The following MMAA variants were observed in gnomAD, a reference collection of about 807,000 sequenced individuals.
The protein encoded by MMAA is metabolism of cobalamin associated A.
A neutral mutation model predicts 45.0 loss-of-function variants in MMAA; 41 were observed. The ratio of observed to expected loss-of-function variants is 0.91; its 90% CI spans 0.71 to 1.18. The LOEUF is 1.18. Among genes scored for constraint, MMAA ranks in the 50% most tolerant of loss-of-function variants. The pLI is 0.00. For missense variants in MMAA, 460 were observed against 495.7 expected (o/e 0.93, Z 0.68); for synonymous variants, 154 against 178.2 (o/e 0.86, Z 1.08).
intron 6 of MMAA, 90 bp from the exon 7 acceptor site, chr4:145,655,057 C>G (rs188047952): frequency 7.2e-7 from 1 of 1,392,520 alleles, no homozygotes; most frequent in East Asian, 2.3e-5. Flanking sequence ...TTTTGTAGAC[C>G]GTAAGAATTA....
chr4:145,645,660 A>T (rs143352178), intron 3 of MMAA, among the ~76,000 whole-genome samples: 1 of 152,188 alleles, frequency 6.6e-6, no homozygotes, highest in African/African-American at 2.4e-5. Context: ...TGATGTTAAG[A>T]TGACAGTAAA....
chr4:145,620,908 G>A (rs142927192), intron 1 of MMAA, among the ~76,000 whole-genome samples: 1 of 152,140 alleles, frequency 6.6e-6, no homozygotes, highest in African/African-American at 2.4e-5. Flanking sequence ...AAAGGCAAGC[G>A]CAAGAGGTGC....
rs548523205 is a variant in MMAA at position 145,645,928 on chromosome 4, G to C, written c.563-58G>C. Reference sequence around the variant, plus strand: ...ATAAAGCACTTCCCTCTAGGAACTGGCTGATAATTGACCCGTAAAACTGTT... The same window carrying C: ...ATAAAGCACTTCCCTCTAGGAACTGCCTGATAATTGACCCGTAAAACTGTT... On this transcript the variant is annotated intron_variant, in intron 3 of 6. Transcript: ENST00000649156. 7.0e-6 allele frequency: 11 copies of C among 1,560,836 alleles called. No homozygotes were observed. In the East Asian group the frequency reaches 2.5e-4, roughly 35 times the overall value.
chr4:145,620,501 G>A (rs967620937), intron 1 of MMAA, among the ~76,000 whole-genome samples: 1 of 152,132 alleles, frequency 6.6e-6, no homozygotes, highest in African/African-American at 2.4e-5. Flanking sequence ...GTATTTTTAC[G>A]TATTTTTTCT....
At chr4:145,651,774 C>A (rs1280634716) in intron 5 of MMAA, among the ~76,000 whole-genome samples, 2 of 152,192 alleles carry the variant, frequency 1.3e-5, no homozygotes, top group African/African-American at 4.8e-5. Context: ...TCATGGAAGA[C>A]AGTTTTCCAC....
intron 4 of MMAA, among the ~76,000 whole-genome samples, chr4:145,649,134 A>G (rs1387697774): frequency 7.7e-6 from 1 of 130,276 alleles, no homozygotes; most frequent in Non-Finnish European, 1.6e-5. Context: ...TCAAAAAAAA[A>G]AAAAAAAAAA....
intron 1 of MMAA, among the ~76,000 whole-genome samples, chr4:145,627,524 G>A (rs1296125837): frequency 6.6e-6 from 1 of 152,176 alleles, no homozygotes; most frequent in Non-Finnish European, 1.5e-5. Flanking sequence ...GAGGAAATAT[G>A]CCCTTTTTCT....
At chr4:145,650,935 G>A in intron 4 of MMAA, 127 bp from the exon 5 acceptor site, 1 of 818,912 alleles carries the variant, frequency 1.2e-6, no homozygotes. Context: ...GATGTTTAAA[G>A]GAGTGACCAG....
At chr4:145,638,974 G>T (rs1727698129) in intron 1 of MMAA, 101 bp from the exon 2 acceptor site, 2 of 651,482 alleles carry the variant, frequency 3.1e-6, no homozygotes, top group Non-Finnish European at 5.3e-6. Context: ...CTCTGATTAT[G>T]TGTGGTTTAG....
At chr4:145,633,111 A>C (rs1727501626) in intron 1 of MMAA, among the ~76,000 whole-genome samples, 1 of 150,852 alleles carries the variant, frequency 6.6e-6, no homozygotes, top group Non-Finnish European at 1.5e-5. Flanking sequence ...TGCATTCTTC[A>C]GTATGCCAGT....
intron 2 of MMAA, 31 bp from the exon 3 acceptor site, chr4:145,642,332 C>A: frequency 6.2e-7 from 1 of 1,611,986 alleles, no homozygotes. Context: ...TCATTTGTTT[C>A]ATTGAATTAG....
At chr4:145,624,858 T>A (rs1257617010) in intron 1 of MMAA, 1 of 1,611,876 alleles carries the variant, frequency 6.2e-7, no homozygotes, top group Admixed American at 1.7e-5. Context: ...GACAAGCCAA[T>A]CCTCTGTAAC....
In MMAA at chr4:145,639,295, A is replaced by G. The variant is rs1727711363; in HGVS notation, c.156A>G (p.Thr52=). 6.2e-7 allele frequency: 1 copy of G among 1,614,180 alleles called. No homozygotes were observed. The highest frequency in any genetic ancestry group is 8.5e-7 in the Non-Finnish European group (1 of 1,180,028). ...QPFNSLGLHC[T]KWMLLSDGLK... is the part of the protein sequence containing the mutation. ...TTAATTCTCTTGGACTCCATTGTAC[A>G]AAGTGGATGCTGCTGTCAGATGGCT... The change falls in exon 2 of 7, where the codon ACA becomes ACG. Residue 52 remains threonine, a synonymous_variant. Coordinates refer to ENST00000649156, the MANE Select transcript of MMAA (RefSeq NM_172250.3).
At chr4:145,653,944 G>GT in intron 5 of MMAA, 50 bp from the exon 6 acceptor site, 1 of 1,599,466 alleles carries the variant, frequency 6.3e-7, no homozygotes, top group Non-Finnish European at 8.6e-7. Context: ...GCATTGACTA[G>GT]TTTTCCCATT....
intron 1 of MMAA, among the ~76,000 whole-genome samples, chr4:145,637,672 A>G (rs1260359908): frequency 6.6e-6 from 1 of 152,222 alleles, no homozygotes; most frequent in Non-Finnish European, 1.5e-5. Flanking sequence ...ATCAACCAAA[A>G]TTTACAAATA....
rs1271440783 is a variant in MMAA, at chr4:145,651,062, G to A, written c.734G>A (p.Gly245Asp). ...ATATAGTTGTGATTTACAATTTCAGGTGTGGGTCAGTCGGAGTTTGCTGTT... is the reference window on the plus strand; with the variant it reads ...ATATAGTTGTGATTTACAATTTCAGATGTGGGTCAGTCGGAGTTTGCTGTT... ...GYDIILIETV[G>D]VGQSEFAVAD... Residue 245 changes from glycine (G) to aspartate (D), a missense_variant and splice_region_variant, in exon 5 of 7, where the codon GGT (glycine) becomes GAT (aspartate). Gly to Asp is a moderately conservative substitution (Grantham distance 94, BLOSUM62 -1). Coordinates refer to ENST00000649156, the MANE Select transcript of MMAA (RefSeq NM_172250.3). The A allele has an allele frequency of 1.9e-6, 3 of 1,613,886 alleles. No homozygotes were observed. Among genetic ancestry groups the A allele is most frequent in the Non-Finnish European group, 2.5e-6 (3 of 1,179,782 alleles).
rs1728316446 is a variant in MMAA, at chr4:145,659,065, T to C, written c.*3631T>C. ...GTTCTCAACATTAGCGTTATTCAGG[T>C]AAGACTACAACAATGATGAACATGT... is the stretch of plus-strand genomic sequence containing the variant. On this transcript the variant is annotated 3_prime_UTR_variant, in exon 7 of 7. Coordinates refer to ENST00000649156, the MANE Select transcript of MMAA (RefSeq NM_172250.3). 6.6e-6 allele frequency: 1 copy of C among 152,200 alleles called. No homozygotes were observed. Among genetic ancestry groups the C allele is most frequent in the East Asian group, 1.9e-4 (1 of 5,208 alleles). The allele number at this position is 152,200 out of a possible 1,614,324, so 9.4% of individuals were successfully genotyped here. A position where few individuals can be genotyped will look rare whatever the true frequency, so the allele number is the denominator to read the frequency against.
chr4:145,625,921 G>C (rs1734195667), intron 1 of MMAA: 1 of 1,587,076 alleles, frequency 6.3e-7, no homozygotes, highest in Non-Finnish European at 8.6e-7. Context: ...TTAATTTGCT[G>C]TTCAGCCTGG....
rs758345818 is a variant in MMAA at position 145,639,263 on chromosome 4, C to T, written c.124C>T (p.Gln42Ter). ...TCTCGGATCAGGAATCCCATGTGCT[C>T]AGCCGTTTAATTCTCTTGGACTCCA... ...THLGSGIPCAQPFNSLGLHCT... is the reference protein window; with the variant it reads ...THLGSGIPCA Residue 42 changes from glutamine (Q) to a stop codon, truncating the protein, a stop_gained, in exon 2 of 7, where the codon CAG (glutamine) becomes TAG (stop). Coordinates refer to ENST00000649156, the MANE Select transcript of MMAA (RefSeq NM_172250.3). LOFTEE classifies it high-confidence loss of function. 6.2e-7 allele frequency: 1 copy of T among 1,614,168 alleles called. No homozygotes were observed. The highest frequency in any genetic ancestry group is 8.5e-7 in the Non-Finnish European group (1 of 1,180,042).
Sources: gnomAD v4.1 joint callset for allele counts (sites outside exome capture counted in the v4.1 genomes callset) on GRCh38, gnomAD v4.1.1 for gene constraint, MANE v1.5 for transcripts, NCBI Gene and HGNC (gene_info 2026-07-23, HGNC 2026-07-21) for gene names.